Variants in MYO9B observed in about 807,000 individuals in gnomAD.
The protein encoded by MYO9B is unconventional myosin-IXb.
In MYO9B, 71 loss-of-function variants were observed where a neutral mutation model predicts 229.5. That is an observed-to-expected ratio of 0.31 (90% CI 0.26 to 0.38). The LOEUF is 0.38. Ranked by LOEUF, MYO9B falls within the 10% of genes least tolerant of loss-of-function variation. The probability of loss-of-function intolerance (pLI) is 1.00; values close to 1 mark genes in which losing one functional copy is unlikely to be tolerated. For missense variants in MYO9B, 2,255 were observed against 2,920.5 expected (o/e 0.77, Z 5.25); for synonymous variants, 1,185 against 1,235.8 (o/e 0.96, Z 0.86).
At chr19:17,085,691 G>T (rs1174019494) in intron 1 of MYO9B, among the ~76,000 whole-genome samples, 2 of 151,328 alleles carry the variant, frequency 1.3e-5, no homozygotes, top group Non-Finnish European at 2.9e-5. Context: ...AAAATTTACC[G>T]AATGTGGACT....
chr19:17,116,135 TCAG>T (rs1052527330), intron 2 of MYO9B, among the ~76,000 whole-genome samples: 50 of 152,246 alleles, frequency 3.3e-4, no homozygotes, highest in African/African-American at 1.2e-3. Context: ...GGGCTGAACA[TCAG>T]CAGGCCCCAT....
At chr19:17,158,761 C>T (rs1353903259) in intron 7 of MYO9B, among the ~76,000 whole-genome samples, 1 of 152,170 alleles carries the variant, frequency 6.6e-6, no homozygotes, top group Non-Finnish European at 1.5e-5. Flanking sequence ...GAACCACCAG[C>T]TCCAATAGGC....
chr19:17,125,297 T>TC (rs67309597), intron 2 of MYO9B, among the ~76,000 whole-genome samples: 3,173 of 99,682 alleles, frequency 0.032, 110 homozygotes, highest in African/African-American at 0.071. Context: ...TAAAACCCCA[T>TC]CCCCCCCCCC....
chr19:17,201,333 G>T (rs903853718), intron 26 of MYO9B, among the ~76,000 whole-genome samples: 2 of 136,786 alleles, frequency 1.5e-5, no homozygotes, highest in Admixed American at 7.5e-5. Context: ...CCTCAGGAGG[G>T]TTATACCCCG....
chr19:17,201,978 C>T lies in MYO9B; in HGVS notation c.4616C>T (p.Ala1539Val), dbSNP rs1234386487. Residue 1539 changes from alanine to valine, a missense_variant, in exon 27 of 40, where the codon GCC becomes GTC. Physicochemically the swap from Ala to Val is moderately conservative, Grantham distance 64 (BLOSUM62 0). Coordinates refer to ENST00000682292, the MANE Select transcript of MYO9B (RefSeq NM_004145.4). Reference sequence around the variant, plus strand: ...CCCATTGAGAGCTTGTTTATCGAAGCCACCGAGAAGTTCAGGAGCAACATC... The same window carrying T: ...CCCATTGAGAGCTTGTTTATCGAAGTCACCGAGAAGTTCAGGAGCAACATC... ...KTPIESLFIE[A>V]TEKFRSNIKT... is the part of the protein sequence containing the mutation. 1 of 1,612,552 alleles carries T rather than the reference C, an allele frequency of 6.2e-7. No individual in the cohort carries two copies. The highest frequency in any genetic ancestry group is 8.5e-7 in the Non-Finnish European group (1 of 1,179,522).
Position 17,212,520 on chromosome 19 carries a change from A to C in MYO9B, c.*210A>C. 5 of 517,956 alleles carry C rather than the reference A, an allele frequency of 9.7e-6. No homozygotes were observed. Among genetic ancestry groups the C allele is most frequent in the Non-Finnish European group, 1.3e-5 (4 of 300,820 alleles). 32.1% of individuals were successfully genotyped at this position (517,956 alleles called of 1,614,324 possible). A position where few individuals can be genotyped will look rare whatever the true frequency, so the allele number is the denominator to read the frequency against. ...CCCCCTCGCACGCAGCCCCCAAATCATGGACGCACCTGTGGGGAGCACCAC... is the reference window on the plus strand; with the variant it reads ...CCCCCTCGCACGCAGCCCCCAAATCCTGGACGCACCTGTGGGGAGCACCAC... On this transcript the variant is annotated 3_prime_UTR_variant, in exon 40 of 40. Coordinates refer to ENST00000682292, the MANE Select transcript of MYO9B (RefSeq NM_004145.4). This position sits in a 1 kb window ranked among gnomAD's most constrained non-coding sequence, Gnocchi z 5.4.
chr19:17,083,057 G>A (rs1258330164), intron 1 of MYO9B, among the ~76,000 whole-genome samples: 8 of 146,430 alleles, frequency 5.5e-5, no homozygotes, highest in East Asian at 2.0e-4. Flanking sequence ...TTGAGACAGG[G>A]TCTCACTCTG....
chr19:17,210,197 TTAG>T (rs1286032526), intron 36 of MYO9B, 133 bp from the exon 37 acceptor site: 6 of 808,758 alleles, frequency 7.4e-6, no homozygotes, highest in Non-Finnish European at 9.5e-6. Context: ...CAGGGGTGTG[TTAG>T]TGGGGAACGG....
chr19:17,098,316 A>G (rs1436459646), intron 1 of MYO9B, among the ~76,000 whole-genome samples: 1 of 152,058 alleles, frequency 6.6e-6, no homozygotes, highest in Non-Finnish European at 1.5e-5. Context: ...TGGCCTCCCA[A>G]AGTGCTCGGA....
chr19:17,159,246 T>A (rs886735708), intron 7 of MYO9B, 149 bp from the exon 8 acceptor site: 1 of 482,692 alleles, frequency 2.1e-6, no homozygotes, highest in Non-Finnish European at 3.4e-6. Flanking sequence ...GGTGGGTGGG[T>A]GGGCTTCAGG....
At chr19:17,127,799 A>C (rs2072143764) in intron 2 of MYO9B, among the ~76,000 whole-genome samples, 1 of 152,246 alleles carries the variant, frequency 6.6e-6, no homozygotes, top group Non-Finnish European at 1.5e-5. Context: ...CTTTCCTGCC[A>C]CATTGGCAGA....
intron 30 of MYO9B, among the ~76,000 whole-genome samples, chr19:17,203,479 A>C (rs939111130): frequency 5.3e-5 from 8 of 151,870 alleles, no homozygotes; most frequent in Non-Finnish European, 1.2e-4. Context: ...TGGGCACAGT[A>C]GTGGGCACCT....
chr19:17,139,867 C>G (rs1378972253), intron 2 of MYO9B, among the ~76,000 whole-genome samples: 1 of 152,048 alleles, frequency 6.6e-6, no homozygotes, highest in Non-Finnish European at 1.5e-5. Context: ...CATGGAGAAA[C>G]CCCGTCTCTA....
Position 17,203,127 on chromosome 19 carries a change from G to A in MYO9B, c.4879-20G>A, listed in dbSNP as rs115322075. The A allele has an allele frequency of 1.1e-3, 1,658 of 1,549,982 alleles. 11 individuals are homozygous for A. In the African/African-American group the frequency reaches 0.014, roughly 13 times the overall value. On this transcript the variant is annotated intron_variant, in intron 29 of 39. Transcript: ENST00000682292. ...CTGCCTTCCCCTTTCCCTGCCCAGCGCCTTCCTCTGGCCTCACAGGTCCAG... is the reference window on the plus strand; with the variant it reads ...CTGCCTTCCCCTTTCCCTGCCCAGCACCTTCCTCTGGCCTCACAGGTCCAG...
chr19:17,134,173 T>C (rs1208767169), intron 2 of MYO9B, among the ~76,000 whole-genome samples: 1 of 152,020 alleles, frequency 6.6e-6, no homozygotes, highest in African/African-American at 2.4e-5. Context: ...ATCACTCAAA[T>C]AGTGAACACT....
intron 17 of MYO9B, among the ~76,000 whole-genome samples, chr19:17,185,459 T>C (rs1028588181): frequency 1.8e-4 from 27 of 150,810 alleles, no homozygotes; most frequent in Non-Finnish European, 3.1e-4. Flanking sequence ...GGCAGGAGAA[T>C]TGCTTGAACC....
intron 6 of MYO9B, among the ~76,000 whole-genome samples, chr19:17,155,194 TA>T (rs1285134275): frequency 1.3e-5 from 2 of 151,814 alleles, no homozygotes; most frequent in Non-Finnish European, 2.9e-5. Flanking sequence ...ACAATTTAAT[TA>T]TTTTTTTTTT....
chr19:17,126,200 C>T (rs1465341787), intron 2 of MYO9B, among the ~76,000 whole-genome samples: 2 of 152,186 alleles, frequency 1.3e-5, no homozygotes, highest in African/African-American at 2.4e-5. Flanking sequence ...TGCTGGCCTC[C>T]GCCCCCTCTG....
chr19:17,167,274 C>A (rs377685110), intron 10 of MYO9B, among the ~76,000 whole-genome samples: 1 of 149,790 alleles, frequency 6.7e-6, no homozygotes, highest in East Asian at 1.9e-4. Flanking sequence ...CTCAAGCCAT[C>A]CTCCAGCCTC....
Sources: allele counts gnomAD v4.1 joint callset (sites outside exome capture counted in the v4.1 genomes callset), GRCh38; gene constraint gnomAD v4.1.1; non-coding constraint Gnocchi (gnomAD v3.1); transcripts MANE v1.5; gene names NCBI Gene and HGNC (gene_info 2026-07-23, HGNC 2026-07-21).